JAK1: variants seen among roughly 807,000 people sequenced by gnomAD.
The protein encoded by JAK1 is tyrosine-protein kinase JAK1.
In JAK1, 16 loss-of-function variants were observed where a neutral mutation model predicts 136.6. The observed-to-expected ratio is 0.12, with a 90% CI of 0.08 to 0.18. The LOEUF is 0.18. Among genes scored for constraint, JAK1 ranks in the 10% least tolerant of loss-of-function variants. JAK1 has a pLI of 1.00. For synonymous variants in JAK1, 492 were observed against 519.5 expected, an observed-to-expected ratio of 0.95 and a Z score of 0.72; for missense variants, 859 against 1,450.1, an observed-to-expected ratio of 0.59 and a Z score of 6.62.
chr1:64,953,838 CT>C (rs1470555766), intron 1 of JAK1, among the ~76,000 whole-genome samples: 4 of 151,836 alleles, frequency 2.6e-5, no homozygotes, highest in Non-Finnish European at 5.9e-5. Flanking sequence ...TTCTTTTTTT[CT>C]TTTTTTCGTA....
At chr1:64,916,738 T>C (rs1056859174) in intron 1 of JAK1, among the ~76,000 whole-genome samples, 1 of 151,474 alleles carries the variant, frequency 6.6e-6, no homozygotes. Flanking sequence ...CTGAGGAGGC[T>C]GAGGTGGGAG....
intron 1 of JAK1, among the ~76,000 whole-genome samples, chr1:64,895,021 G>A (rs559521151): frequency 1.3e-5 from 2 of 152,220 alleles, no homozygotes; most frequent in East Asian, 3.9e-4. Flanking sequence ...AGCAGGATCG[G>A]CAGGTCACCA....
intron 1 of JAK1, among the ~76,000 whole-genome samples, chr1:64,898,230 C>T (rs1645053965): frequency 6.6e-6 from 1 of 152,220 alleles, no homozygotes; most frequent in Non-Finnish European, 1.5e-5. Context: ...GGAGAGTCAA[C>T]ATTCTGCTGC....
intron 1 of JAK1, among the ~76,000 whole-genome samples, chr1:65,054,182 A>G (rs911249853): frequency 6.6e-6 from 1 of 152,146 alleles, no homozygotes; most frequent in African/African-American, 2.4e-5. Flanking sequence ...AGCCTCAATT[A>G]TTATATTCTT....
rs1300791337 is a variant in JAK1 at position 65,016,647 on chromosome 1, C to A, written c.-78+27833G>T. ...GGTGCAGTGGCTCACGCCTGTAATC[C>A]CAACACTTTGGGAGGCTGAGGCGGG... On this transcript the variant is annotated intron_variant, in intron 2 of 25. Transcript: ENST00000671954. 4.0e-5 allele frequency among the ~76,000 whole-genome samples: 6 copies of A among 151,898 alleles called. No homozygotes were observed. In the East Asian group the frequency reaches 1.2e-3, roughly 30 times the overall value.
intron 1 of JAK1, among the ~76,000 whole-genome samples, chr1:64,955,599 GTGGAGTT>G (rs1290602063): frequency 1.3e-5 from 2 of 152,200 alleles, no homozygotes; most frequent in African/African-American, 4.8e-5. Flanking sequence ...TCAGACTAAG[GTGGAGTT>G]TGGATTGTTT....
intron 2 of JAK1, chr1:65,002,370 T>G (rs1646766480): frequency 6.6e-6 from 1 of 152,208 alleles, no homozygotes; most frequent in African/African-American, 2.4e-5. Flanking sequence ...TAGTGGCTGA[T>G]CCAAGGGAAG....
intron 1 of JAK1, among the ~76,000 whole-genome samples, chr1:64,887,176 A>T (rs992358741): frequency 1.3e-5 from 2 of 152,198 alleles, no homozygotes; most frequent in African/African-American, 4.8e-5. Context: ...GGTGACTGAC[A>T]CTGGCAAGGG....
chr1:64,875,419 C>T (rs1451812315), intron 4 of JAK1, among the ~76,000 whole-genome samples: 3 of 152,218 alleles, frequency 2.0e-5, no homozygotes, highest in African/African-American at 2.4e-5. Context: ...TCGAGCAATG[C>T]CGTGAGCTGT....
At chr1:65,010,203 G>C (rs375720398) in intron 2 of JAK1, among the ~76,000 whole-genome samples, 3 of 152,166 alleles carry the variant, frequency 2.0e-5, no homozygotes, top group African/African-American at 7.2e-5. Context: ...ACTTCTAATG[G>C]ATAGAATAAA....
At chr1:64,929,108 A>G (rs941882477) in intron 1 of JAK1, among the ~76,000 whole-genome samples, 1 of 152,244 alleles carries the variant, frequency 6.6e-6, no homozygotes, top group Non-Finnish European at 1.5e-5. Context: ...ATACTGCTAT[A>G]GCACACCTGC....
At chr1:64,978,354 G>T (rs1259801076) in intron 2 of JAK1, among the ~76,000 whole-genome samples, 1 of 152,116 alleles carries the variant, frequency 6.6e-6, no homozygotes, top group Non-Finnish European at 1.5e-5. Flanking sequence ...TTTAATTATT[G>T]TATAGGATGT....
chr1:64,925,422 C>T, intron 1 of JAK1, among the ~76,000 whole-genome samples: 1 of 151,872 alleles, frequency 6.6e-6, no homozygotes, highest in East Asian at 1.9e-4. Flanking sequence ...TGCTCTAAAC[C>T]TAAAACTGCT....
chr1:64,873,395 C>T lies in JAK1; in HGVS notation c.458G>A (p.Ser153Asn), dbSNP rs763543398. The change falls in exon 5 of 25, where the codon AGC (serine) becomes AAC (asparagine). Residue 153 changes from serine (S) to asparagine (N), a missense_variant. Around this residue, in one of 4 missense-constraint regions of JAK1, gnomAD observed 353 missense variants for 494.0 expected, o/e 0.71. Coordinates refer to ENST00000342505, the MANE Select transcript of JAK1 (RefSeq NM_002227.4). ...CTGAGCAAACAGATACTCCAGTGAGCTGGCATCAAGGAGAGGGGTTGCATC... is the reference window on the plus strand; with the variant it reads ...CTGAGCAAACAGATACTCCAGTGAGTTGGCATCAAGGAGAGGGGTTGCATC... ...IPDATPLLDA[S>N]SLEYLFAQGQ... 1.2e-6 allele frequency: 2 copies of T among 1,614,082 alleles called. No homozygotes were observed. Among genetic ancestry groups the T allele is most frequent in the African/African-American group, 1.3e-5 (1 of 74,936 alleles).
Position 64,844,328 on chromosome 1 carries a change from G to A in JAK1, c.2252-113C>T, listed in dbSNP as rs965555398. On this transcript the variant is annotated intron_variant, in intron 16 of 24. Transcript: ENST00000342505. This position sits in a 1 kb window ranked among gnomAD's most constrained non-coding sequence, Gnocchi z 5.7. ...ATGAAGGAACTACTTCAAGCAGTGT[G>A]CCCAAACATGGCCCATGGCCACATA... 20 of 1,400,138 alleles carry A rather than the reference G, an allele frequency of 1.4e-5. No individual in the cohort carries two copies. Among genetic ancestry groups the A allele is most frequent in the Non-Finnish European group, 1.9e-5 (19 of 998,760 alleles). The allele number at this position is 1,400,138 out of a possible 1,614,324, so 86.7% of individuals were successfully genotyped here.
At chr1:65,007,579 G>A (rs1646813924) in intron 2 of JAK1, among the ~76,000 whole-genome samples, 1 of 152,110 alleles carries the variant, frequency 6.6e-6, no homozygotes, top group Non-Finnish European at 1.5e-5. Flanking sequence ...TCTTGCCTCA[G>A]CCTCCCAAGT....
In JAK1 at chr1:64,860,149, C is replaced by T. The variant is rs368823178; in HGVS notation, c.1290G>A (p.Pro430=). The change falls in exon 9 of 25, where the codon CCG becomes CCA. Residue 430 remains proline, a synonymous_variant. Coordinates refer to ENST00000342505, the MANE Select transcript of JAK1 (RefSeq NM_002227.4). ...HHYLCTDVAP[P]LIVHNIQNGC... ...CATTCTGTATGTTGTGGACGATCAA[C>T]GGGGGGGCCACGTCGGTGCAGAGGT... is the stretch of plus-strand genomic sequence containing the variant. 59 of 1,600,064 alleles carry T rather than the reference C, an allele frequency of 3.7e-5. No homozygotes were observed. The highest frequency in any genetic ancestry group is 4.7e-5 in the Non-Finnish European group (55 of 1,170,686).
In JAK1 at chr1:65,030,212, C is replaced by T. The variant is rs555957026; in HGVS notation, c.-78+14268G>A. On this transcript the variant is annotated intron_variant, in intron 2 of 25. Transcript: ENST00000671954. ...ATCTGCAAACCAGGAAGAGAGCTCTCACAAGGAACTGAACCAGCTGGCATC... is the reference window on the plus strand; with the variant it reads ...ATCTGCAAACCAGGAAGAGAGCTCTTACAAGGAACTGAACCAGCTGGCATC... Among the ~76,000 whole-genome samples, 3 of 152,298 alleles carry T rather than the reference C, an allele frequency of 2.0e-5. No individual in the cohort carries two copies. The South Asian group carries it at 6.2e-4, about 32-fold the overall frequency.
At chr1:64,980,477 A>C (rs1227365441) in intron 2 of JAK1, among the ~76,000 whole-genome samples, 1 of 138,088 alleles carries the variant, frequency 7.2e-6, no homozygotes, top group Non-Finnish European at 1.7e-5. Flanking sequence ...ATTGCCCCCC[A>C]AAATTTCCAA....
Sources: allele counts gnomAD v4.1 joint callset (sites outside exome capture counted in the v4.1 genomes callset), GRCh38; gene constraint gnomAD v4.1.1; regional missense constraint gnomAD v4.1.1; non-coding constraint Gnocchi (gnomAD v3.1); transcripts MANE v1.5; gene names NCBI Gene and HGNC (gene_info 2026-07-23, HGNC 2026-07-21).